Variants in FBXL17 observed in about 807,000 individuals in gnomAD.
FBXL17 encodes F-box/LRR-repeat protein 17.
A neutral mutation model predicts 66.2 loss-of-function variants in FBXL17; 22 were observed. The ratio of observed to expected loss-of-function variants is 0.33; its 90% CI spans 0.24 to 0.47. The LOEUF is 0.47. Ranked by LOEUF, FBXL17 falls within the 20% of genes least tolerant of loss-of-function variation. FBXL17 has a pLI of 1.00. For synonymous variants in FBXL17, 474 were observed against 400.5 expected (o/e 1.18, Z -2.19); for missense variants, 878 against 948.2 (o/e 0.93, Z 0.97).
intron 7 of FBXL17, among the ~76,000 whole-genome samples, chr5:107,963,663 T>C (rs1580256309): frequency 6.6e-6 from 1 of 152,152 alleles, no homozygotes; most frequent in Non-Finnish European, 1.5e-5. Flanking sequence ...AAATACTTAA[T>C]AGTATAAATT....
intron 4 of FBXL17, among the ~76,000 whole-genome samples, chr5:108,321,727 GA>G (rs1400248555): frequency 6.7e-6 from 1 of 148,952 alleles, no homozygotes; most frequent in Non-Finnish European, 1.5e-5. Context: ...AAAAAAACAA[GA>G]AAAAACTTCT....
chr5:107,963,172 GAC>G (rs1245088952), intron 7 of FBXL17, among the ~76,000 whole-genome samples: 1 of 152,090 alleles, frequency 6.6e-6, no homozygotes, highest in African/African-American at 2.4e-5. Context: ...AACTTTACCA[GAC>G]AGAGTATTTA....
In FBXL17 at chr5:108,382,003, G is replaced by A. The variant is rs537448468; in HGVS notation, c.-312C>T. 453 of 1,154,344 alleles carry A rather than the reference G, an allele frequency of 3.9e-4. 2 individuals carry two copies. In the African/African-American group the frequency reaches 4.0e-3, roughly 10 times the overall value. 71.5% of individuals were successfully genotyped at this position (1,154,344 alleles called of 1,614,324 possible). ...GCGACCAGTCCGGGCCCGGCCAGCCGGCTCAGTCAGTCAGCGGAGCGGCCG... is the reference window on the plus strand; with the variant it reads ...GCGACCAGTCCGGGCCCGGCCAGCCAGCTCAGTCAGTCAGCGGAGCGGCCG... On this transcript the variant is annotated 5_prime_UTR_variant, in exon 1 of 9. Transcript: ENST00000542267.
intron 4 of FBXL17, among the ~76,000 whole-genome samples, chr5:108,326,762 G>T (rs1759876031): frequency 6.6e-6 from 1 of 151,914 alleles, no homozygotes; most frequent in Admixed American, 6.6e-5. Context: ...ACCACAATAA[G>T]GTACCACTAC....
chr5:107,960,101 G>C (rs552229276), intron 7 of FBXL17, among the ~76,000 whole-genome samples: 1 of 152,272 alleles, frequency 6.6e-6, no homozygotes, highest in Non-Finnish European at 1.5e-5. Context: ...TTGGTTCTCA[G>C]TTCCTTTTTA....
rs1431181813 is a variant in FBXL17, at chr5:107,941,077, TC to T, written c.1823-59899del. 5.3e-5 allele frequency among the ~76,000 whole-genome samples: 8 copies of T among 151,646 alleles called. No individual in the cohort carries two copies. In the East Asian group the frequency reaches 1.6e-3, roughly 29 times the overall value. ...CAGGATATTTCACCTAAGATATGATTCTAAACAATGTCTCAAACAAAATTAT... is the reference window on the plus strand; with the variant it reads ...CAGGATATTTCACCTAAGATATGATTTAAACAATGTCTCAAACAAAATTAT... On this transcript the variant is annotated intron_variant, in intron 7 of 8. Transcript: ENST00000542267.
At chr5:108,024,177 T>C (rs972410497) in intron 6 of FBXL17, among the ~76,000 whole-genome samples, 2 of 152,158 alleles carry the variant, frequency 1.3e-5, no homozygotes, top group Admixed American at 6.6e-5. Flanking sequence ...TAAGGAGTTA[T>C]AAAATTTGGA....
chr5:108,142,465 CTATT>C (rs1561431148), intron 6 of FBXL17, among the ~76,000 whole-genome samples: 2 of 152,168 alleles, frequency 1.3e-5, no homozygotes, highest in Non-Finnish European at 2.9e-5. Context: ...ATGCTCCTTA[CTATT>C]TATTTTCTTA....
At chr5:107,869,105 G>C (rs943303864) in intron 8 of FBXL17, among the ~76,000 whole-genome samples, 14 of 152,188 alleles carry the variant, frequency 9.2e-5, no homozygotes, top group African/African-American at 3.4e-4. Flanking sequence ...CTCAGCGCCT[G>C]CCTCCTAATT....
chr5:108,098,746 TA>T (rs10649679), intron 6 of FBXL17, among the ~76,000 whole-genome samples: 1,967 of 118,490 alleles, frequency 0.017, 21 homozygotes, highest in Non-Finnish European at 0.019. Flanking sequence ...CTCTGTCTCA[TA>T]AAAAAAAAAA....
chr5:107,933,044 AGG>A (rs1384219587), intron 7 of FBXL17, among the ~76,000 whole-genome samples: 1 of 152,184 alleles, frequency 6.6e-6, no homozygotes, highest in Non-Finnish European at 1.5e-5. Context: ...AGGAATTTTG[AGG>A]TCCAGCAGTG....
chr5:108,352,305 T>C (rs985677736), intron 3 of FBXL17, among the ~76,000 whole-genome samples: 1 of 152,230 alleles, frequency 6.6e-6, no homozygotes, highest in Non-Finnish European at 1.5e-5. Context: ...ATCCAAGCAC[T>C]GTAAAGTCAA....
intron 7 of FBXL17, among the ~76,000 whole-genome samples, chr5:107,959,668 TTATAA>T (rs1182980590): frequency 6.6e-6 from 1 of 152,192 alleles, no homozygotes; most frequent in Non-Finnish European, 1.5e-5. Context: ...ATAATGGTTC[TTATAA>T]TATGGGGACT....
chr5:107,998,146 G>C (rs1446222970), intron 7 of FBXL17, among the ~76,000 whole-genome samples: 1 of 152,124 alleles, frequency 6.6e-6, no homozygotes, highest in Non-Finnish European at 1.5e-5. Context: ...TTACATGCTG[G>C]AATAATAATA....
chr5:107,895,488 C>G (rs996072636), intron 7 of FBXL17, among the ~76,000 whole-genome samples: 6 of 152,072 alleles, frequency 3.9e-5, no homozygotes, highest in African/African-American at 1.4e-4. Context: ...GACATGTTTT[C>G]ATTGTTCTGT....
chr5:108,083,985 C>T (rs910468263), intron 6 of FBXL17, among the ~76,000 whole-genome samples: 2 of 152,024 alleles, frequency 1.3e-5, no homozygotes, highest in African/African-American at 2.4e-5. Context: ...AAATAGTTTC[C>T]GACTGATTTT....
intron 7 of FBXL17, among the ~76,000 whole-genome samples, chr5:107,915,909 G>C (rs1334958859): frequency 6.6e-6 from 1 of 152,184 alleles, no homozygotes; most frequent in Admixed American, 6.5e-5. Flanking sequence ...AAGGATGCAT[G>C]TTGCCGCATC....
chr5:108,067,800 A>G (rs893454176), intron 6 of FBXL17, among the ~76,000 whole-genome samples: 4 of 152,196 alleles, frequency 2.6e-5, no homozygotes, highest in Non-Finnish European at 4.4e-5. Context: ...CTGATTCAAC[A>G]TTTGGACAAG....
chr5:108,272,688 T>G (rs1757325611), intron 4 of FBXL17, among the ~76,000 whole-genome samples: 2 of 152,116 alleles, frequency 1.3e-5, no homozygotes, highest in African/African-American at 2.4e-5. Context: ...TGATCCCGCA[T>G]TTTCCCAATA....
Sources: gnomAD v4.1 joint callset for allele counts (sites outside exome capture counted in the v4.1 genomes callset) on GRCh38, gnomAD v4.1.1 for gene constraint, MANE v1.5 for transcripts, NCBI Gene and HGNC (gene_info 2026-07-23, HGNC 2026-07-21) for gene names.